Variants in CAST observed in about 807,000 individuals in gnomAD.
CAST encodes the protein calpastatin.
CAST carries 76 observed loss-of-function variants against 119.6 expected under a neutral mutation model. The observed-to-expected ratio is 0.64, with a 90% CI of 0.53 to 0.77. The LOEUF is 0.77. Ranked by LOEUF, CAST falls within the 30% of genes least tolerant of loss-of-function variation. The pLI is 0.00. For missense variants in CAST, 953 were observed against 946.5 expected, an observed-to-expected ratio of 1.01 and a Z score of -0.09; for synonymous variants, 319 against 331.6, an observed-to-expected ratio of 0.96 and a Z score of 0.41.
the CAST span, among the ~76,000 whole-genome samples, chr5:96,052,946 A>G: frequency 6.6e-6 from 1 of 152,124 alleles, no homozygotes; most frequent in Non-Finnish European, 1.5e-5. Flanking sequence ...CATTGAGTTT[A>G]TTCTTTAGAG....
chr5:96,423,237 A>C, the CAST span: 2 of 1,442,422 alleles, frequency 1.4e-6, no homozygotes, highest in Non-Finnish European at 1.9e-6. Context: ...CATCCCCTTG[A>C]AAAGAAGGAA....
chr5:96,481,651 C>A, the CAST span, among the ~76,000 whole-genome samples: 1 of 152,176 alleles, frequency 6.6e-6, no homozygotes, highest in Non-Finnish European at 1.5e-5. Flanking sequence ...CTGTATAAGA[C>A]ATTTGGTTTC....
the CAST span, among the ~76,000 whole-genome samples, chr5:96,090,198 G>A: frequency 6.6e-5 from 10 of 152,222 alleles, no homozygotes; most frequent in South Asian, 4.2e-4. Context: ...GGTGGGATAC[G>A]GGTCTCTAGT....
At position 96,729,155 on chromosome 5, in the gene CAST, G is replaced by C. The variant is rs765357210; in HGVS notation, c.381G>C (p.Leu127=). The C allele has an allele frequency of 3.2e-6, 5 of 1,585,234 alleles. No homozygotes were observed. Among genetic ancestry groups the C allele is most frequent in the East Asian group, 4.5e-5 (2 of 44,562 alleles). ...GTTTAATCTTTTGAAATTGACAGCT[G>C]TCTGTGGTTCATGAGAAAAAATCCC... ...EPEKKSQSTK[L]SVVHEKKSQE... is the part of the protein sequence containing the mutation. The change falls in exon 7 of 32, where the codon CTG becomes CTC. Residue 127 remains leucine, a splice_region_variant and synonymous_variant. Transcript: ENST00000675179.
At chr5:96,620,888 C>T (rs775853124) in intron 1 of CAST, among the ~76,000 whole-genome samples, 3 of 152,166 alleles carry the variant, frequency 2.0e-5, no homozygotes, top group Admixed American at 6.5e-5. Flanking sequence ...AAAGCTCCTT[C>T]CTCAAAGAAA....
At chr5:95,997,330 C>T in the CAST span, among the ~76,000 whole-genome samples, 6 of 152,292 alleles carry the variant, frequency 3.9e-5, no homozygotes, top group South Asian at 8.3e-4. Flanking sequence ...CAGCCCTCCT[C>T]TCTGTGACAC....
intron 9 of CAST, among the ~76,000 whole-genome samples, chr5:96,733,027 A>G (rs1490095785): frequency 6.6e-6 from 1 of 152,222 alleles, no homozygotes; most frequent in Admixed American, 6.5e-5. Context: ...TTAGGGTAAA[A>G]GTATGGCACA....
chr5:96,265,966 T>TA, the CAST span, among the ~76,000 whole-genome samples: 1 of 152,212 alleles, frequency 6.6e-6, no homozygotes, highest in Non-Finnish European at 1.5e-5. Context: ...TCCCATCACT[T>TA]AGACTAACCT....
the CAST span, among the ~76,000 whole-genome samples, chr5:96,324,421 T>C: frequency 6.6e-6 from 1 of 152,248 alleles, no homozygotes; most frequent in Non-Finnish European, 1.5e-5. Flanking sequence ...CTGGCCTTTA[T>C]CCTAATCGTA....
the CAST span, among the ~76,000 whole-genome samples, chr5:96,380,762 A>T: frequency 1.3e-5 from 2 of 151,306 alleles, no homozygotes; most frequent in African/African-American, 4.8e-5. Flanking sequence ...AATGCATTTT[A>T]AAAAATTATT....
the CAST span, among the ~76,000 whole-genome samples, chr5:96,241,631 A>G: frequency 1.4e-5 from 2 of 143,360 alleles, no homozygotes; most frequent in Admixed American, 1.4e-4. Flanking sequence ...TCCCTGAGGA[A>G]TCGCCACACT....
the CAST span, among the ~76,000 whole-genome samples, chr5:96,352,227 A>C: frequency 1.3e-5 from 2 of 152,186 alleles, no homozygotes; most frequent in Non-Finnish European, 2.9e-5. Flanking sequence ...TGTGTTCTTC[A>C]AAGTGAAATG....
chr5:96,430,056 G>A, the CAST span, among the ~76,000 whole-genome samples: 1 of 152,296 alleles, frequency 6.6e-6, no homozygotes, highest in Admixed American at 6.5e-5. Context: ...GTTATAAAAT[G>A]TAGCCATTGA....
At chr5:96,745,042 T>G (rs1197323902) in intron 16 of CAST, among the ~76,000 whole-genome samples, 2 of 151,802 alleles carry the variant, frequency 1.3e-5, no homozygotes, top group Non-Finnish European at 2.9e-5. Flanking sequence ...AAGAGGAAAA[T>G]AAAAGCTCTG....
chr5:96,386,653 G>T, the CAST span, among the ~76,000 whole-genome samples: 1 of 152,132 alleles, frequency 6.6e-6, no homozygotes. Context: ...AACATTTGCT[G>T]AATATTTACT....
chr5:96,417,745 T>G, the CAST span, among the ~76,000 whole-genome samples: 2 of 152,226 alleles, frequency 1.3e-5, no homozygotes, highest in Non-Finnish European at 2.9e-5. Context: ...GAGTTAGGAT[T>G]CTTTCATTTG....
At chr5:96,323,530 T>C in the CAST span, among the ~76,000 whole-genome samples, 1 of 152,256 alleles carries the variant, frequency 6.6e-6, no homozygotes, top group African/African-American at 2.4e-5. Flanking sequence ...TTTTCATTGC[T>C]ATTTTCAGGT....
the CAST span, among the ~76,000 whole-genome samples, chr5:96,397,878 G>T: frequency 6.6e-6 from 1 of 151,820 alleles, no homozygotes; most frequent in Non-Finnish European, 1.5e-5. Context: ...TTTAGTAGGT[G>T]CCTGACTCCA....
intron 1 of CAST, among the ~76,000 whole-genome samples, chr5:96,603,026 G>T (rs1428357069): frequency 6.6e-6 from 1 of 152,184 alleles, no homozygotes; most frequent in Non-Finnish European, 1.5e-5. Context: ...GATGGTGTTT[G>T]TTTTCTAAGC....
Sources: allele counts gnomAD v4.1 joint callset (sites outside exome capture counted in the v4.1 genomes callset), GRCh38; gene constraint gnomAD v4.1.1; transcripts MANE v1.5; gene names NCBI Gene and HGNC (gene_info 2026-07-23, HGNC 2026-07-21).